SLC35F4: variants seen among roughly 807,000 people sequenced by gnomAD.
SLC35F4 encodes the protein chromosome 14 open reading frame 36.
In SLC35F4, 24 loss-of-function variants were observed where a neutral mutation model predicts 44.2. The observed-to-expected ratio is 0.54, with a 90% confidence interval of 0.39 to 0.76. The LOEUF is 0.76. Among genes scored for constraint, SLC35F4 ranks in the 30% least tolerant of loss-of-function variants. The pLI, the probability that SLC35F4 is intolerant of heterozygous loss-of-function variation, is 0.00. For missense variants in SLC35F4, 562 were observed against 586.1 expected (o/e 0.96, Z 0.42); for synonymous variants, 238 against 223.6 (o/e 1.06, Z -0.57).
At chr14:57,820,998 C>A (rs1224038110) in intron 1 of SLC35F4, among the ~76,000 whole-genome samples, 1 of 152,200 alleles carries the variant, frequency 6.6e-6, no homozygotes, top group Non-Finnish European at 1.5e-5. Flanking sequence ...GCTTGATTTA[C>A]TTTATCAGTT....
At chr14:57,587,718 C>T (rs1168820997) in intron 3 of SLC35F4, among the ~76,000 whole-genome samples, 1 of 151,952 alleles carries the variant, frequency 6.6e-6, no homozygotes, top group African/African-American at 2.4e-5. Context: ...ACATGTATAC[C>T]CATGTAACAA....
At chr14:57,610,572 C>T (rs1009430112) in intron 1 of SLC35F4, among the ~76,000 whole-genome samples, 8 of 152,214 alleles carry the variant, frequency 5.3e-5, no homozygotes, top group Admixed American at 6.5e-5. Flanking sequence ...CGGTTTCTCT[C>T]AGCTCAGGAT....
intron 1 of SLC35F4, among the ~76,000 whole-genome samples, chr14:57,644,206 G>A (rs370806458): frequency 4.0e-4 from 61 of 152,086 alleles, no homozygotes; most frequent in African/African-American, 1.3e-3. Context: ...GACTTCCACA[G>A]TGGTTGAACT....
intron 1 of SLC35F4, among the ~76,000 whole-genome samples, chr14:57,647,798 G>A (rs1397109171): frequency 6.6e-6 from 1 of 152,080 alleles, no homozygotes; most frequent in Admixed American, 6.6e-5. Context: ...CCCTCAATAT[G>A]TAATCGGGTT....
At chr14:57,570,050 C>G (rs1251190594) in intron 5 of SLC35F4, 70 bp from the exon 6 acceptor site, 1 of 1,401,242 alleles carries the variant, frequency 7.1e-7, no homozygotes, top group Non-Finnish European at 9.5e-7. Flanking sequence ...TCTTACTGTT[C>G]CATACTGTGA....
At position 57,883,227 on chromosome 14, in the gene SLC35F4, A is replaced by C. The variant is rs185737952; in HGVS notation, n.282+98686T>G. Among the ~76,000 whole-genome samples the C allele has an allele frequency of 1.4e-3, 218 of 152,346 alleles. 1 individual carries two copies. Among genetic ancestry groups the C allele is most frequent in the African/African-American group, 5.1e-3 (212 of 41,590 alleles). ...GTGAGAAATAAATGTTTGTAGTTGC[A>C]TGCCTGTGAGATTTGTTTATTACAC... On this transcript the variant is annotated intron_variant and non_coding_transcript_variant, in intron 1 of 1. Coordinates refer to the SLC35F4 transcript ENST00000556568.
Position 57,677,639 on chromosome 14 carries a change from T to C in SLC35F4, c.104-83515A>G, listed in dbSNP as rs144104115. 5.3e-5 allele frequency among the ~76,000 whole-genome samples: 8 copies of C among 151,972 alleles called. No individual in the cohort carries two copies. The East Asian group carries it at 1.5e-3, about 29-fold the overall frequency. On this transcript the variant is annotated intron_variant, in intron 1 of 7. Coordinates refer to ENST00000556826, the MANE Select transcript of SLC35F4 (RefSeq NM_001306087.2). ...TGAAAAGGCAGTCTTTGAAAAACCA[T>C]AAAAGGAAACAAATGAGATGACTAA...
At chr14:57,832,812 T>A (rs17093735) in intron 1 of SLC35F4, among the ~76,000 whole-genome samples, 1,528 of 152,316 alleles carry the variant, frequency 0.01, 16 homozygotes, top group Middle Eastern at 0.034. Context: ...GCTGGAACTG[T>A]AATTCATGTG....
At chr14:57,722,827 T>C (rs2076117606) in intron 1 of SLC35F4, among the ~76,000 whole-genome samples, 1 of 152,288 alleles carries the variant, frequency 6.6e-6, no homozygotes, top group South Asian at 2.1e-4. Context: ...ATTTGAATTA[T>C]ACAAACAGAG....
rs1432747833 is a variant in SLC35F4 at position 57,932,121 on chromosome 14, G to A, written n.282+49792C>T. On this transcript the variant is annotated intron_variant and non_coding_transcript_variant, in intron 1 of 1. Coordinates refer to the SLC35F4 transcript ENST00000556568. ...GTCCACCTTATAATACCTTCCCCCA[G>A]TTTCCCGTCATATAACTTGAAGACA... Among the ~76,000 whole-genome samples, 3 of 152,142 alleles carry A rather than the reference G, an allele frequency of 2.0e-5. No individual in the cohort carries two copies. In the East Asian group the frequency reaches 5.8e-4, roughly 29 times the overall value.
intron 1 of SLC35F4, among the ~76,000 whole-genome samples, chr14:57,691,726 G>C (rs1034810190): frequency 6.6e-6 from 1 of 152,132 alleles, no homozygotes; most frequent in African/African-American, 2.4e-5. Context: ...GGCTCTATTA[G>C]GGGATATGAA....
At chr14:57,858,065 C>G (rs192080795) in intron 1 of SLC35F4, among the ~76,000 whole-genome samples, 1 of 152,128 alleles carries the variant, frequency 6.6e-6, no homozygotes. Flanking sequence ...AATAGGAACA[C>G]TTTTGCACTG....
intron 1 of SLC35F4, among the ~76,000 whole-genome samples, chr14:57,711,046 C>G (rs2075806309): frequency 6.6e-6 from 1 of 151,926 alleles, no homozygotes; most frequent in Admixed American, 6.6e-5. Context: ...TTGGCTGTGT[C>G]CCCACCCAAA....
At chr14:57,806,597 T>C (rs1003456929) in intron 1 of SLC35F4, among the ~76,000 whole-genome samples, 1 of 152,206 alleles carries the variant, frequency 6.6e-6, no homozygotes, top group African/African-American at 2.4e-5. Context: ...TAGAATATCA[T>C]GATCTCTATT....
intron 1 of SLC35F4, among the ~76,000 whole-genome samples, chr14:57,652,718 A>T (rs1283480516): frequency 6.6e-6 from 1 of 152,112 alleles, no homozygotes; most frequent in Non-Finnish European, 1.5e-5. Flanking sequence ...ACAGGATAGT[A>T]ACCCCCACAC....
intron 1 of SLC35F4, among the ~76,000 whole-genome samples, chr14:57,835,671 G>A (rs1460453860): frequency 6.6e-6 from 1 of 152,190 alleles, no homozygotes; most frequent in Admixed American, 6.5e-5. Context: ...TCTGCTGCTA[G>A]TAATAATTTG....
At chr14:57,639,575 A>C (rs2073144250) in intron 1 of SLC35F4, among the ~76,000 whole-genome samples, 1 of 152,070 alleles carries the variant, frequency 6.6e-6, no homozygotes, top group Admixed American at 6.6e-5. Context: ...TATAATTTTA[A>C]AATATCTCAG....
intron 1 of SLC35F4, 80 bp from the exon 2 acceptor site, chr14:57,594,204 T>C: frequency 1.5e-6 from 2 of 1,352,074 alleles, no homozygotes; most frequent in Non-Finnish European, 2.0e-6. Context: ...TTAATTATTG[T>C]TTGGAAACAG....
rs3054456 is a variant in SLC35F4 at position 57,656,376 on chromosome 14, TACACAC to T, written c.104-62258_104-62253del. On this transcript the variant is annotated intron_variant, in intron 1 of 7. Coordinates refer to ENST00000556826, the MANE Select transcript of SLC35F4 (RefSeq NM_001306087.2). ...TCCTTAGAGTATATATATATATATA[TACACAC>T]ACACACACACACACACACACACACA... is the stretch of plus-strand genomic sequence containing the variant. 4.2e-3 allele frequency among the ~76,000 whole-genome samples: 312 copies of T among 73,986 alleles called. 1 individual carries two copies. Among genetic ancestry groups the T allele is most frequent in the South Asian group, 0.014 (32 of 2,252 alleles). The allele number at this position is 73,986 out of a possible 152,430, so 48.5% of individuals were successfully genotyped here. A position where few individuals can be genotyped will look rare whatever the true frequency, so the allele number is the denominator to read the frequency against.
Sources: allele counts gnomAD v4.1 joint callset (sites outside exome capture counted in the v4.1 genomes callset), GRCh38; gene constraint gnomAD v4.1.1; transcripts MANE v1.5; gene names NCBI Gene and HGNC (gene_info 2026-07-23, HGNC 2026-07-21).